The following SNTG2 variants were observed in gnomAD, a reference collection of about 807,000 sequenced individuals.
The protein encoded by SNTG2 is syntrophin gamma 2.
A neutral mutation model predicts 70.9 loss-of-function variants in SNTG2; 74 were observed. The observed-to-expected ratio is 1.04, with a 90% CI of 0.86 to 1.27. The LOEUF is 1.27. Among genes scored for constraint, SNTG2 ranks in the 50% most tolerant of loss-of-function variants. SNTG2 has a pLI of 0.00. For synonymous variants in SNTG2, 278 were observed against 273.8 expected (o/e 1.02, Z -0.15); for missense variants, 717 against 690.7 (o/e 1.04, Z -0.43).
intron 1 of SNTG2, among the ~76,000 whole-genome samples, chr2:1,046,552 T>C (rs989311159): frequency 2.6e-5 from 4 of 152,190 alleles, no homozygotes; most frequent in African/African-American, 7.2e-5. Context: ...GTAGGTCTGG[T>C]GGTAACAAAT....
chr2:1,044,309 G>C (rs1416143202), intron 1 of SNTG2, among the ~76,000 whole-genome samples: 2 of 152,160 alleles, frequency 1.3e-5, no homozygotes, highest in Non-Finnish European at 2.9e-5. Flanking sequence ...TTTGGGCAGA[G>C]ACAATGAGAT....
intron 4 of SNTG2, among the ~76,000 whole-genome samples, chr2:1,132,641 G>A (rs1048213894): frequency 2.0e-5 from 3 of 152,186 alleles, no homozygotes; most frequent in Admixed American, 6.5e-5. Flanking sequence ...GACTCTGAGC[G>A]GAGTTGCGGG....
chr2:1,046,051 G>C (rs552373343), intron 1 of SNTG2, among the ~76,000 whole-genome samples: 7 of 152,180 alleles, frequency 4.6e-5, no homozygotes, highest in African/African-American at 1.4e-4. Context: ...GGGTCCTTGA[G>C]TACTGGTTGC....
intron 9 of SNTG2, chr2:1,210,707 T>A (rs1673984264): frequency 6.6e-6 from 1 of 152,230 alleles, no homozygotes; most frequent in African/African-American, 2.4e-5. Flanking sequence ...GTGTGTCATT[T>A]TTTAACTTTT....
intron 9 of SNTG2, among the ~76,000 whole-genome samples, chr2:1,227,443 G>A (rs1210012762): frequency 3.9e-5 from 6 of 152,220 alleles, no homozygotes; most frequent in Non-Finnish European, 8.8e-5. Context: ...GTGGGTGTTC[G>A]CTCCGGAAGT....
chr2:1,294,838 A>T (rs9677285), intron 14 of SNTG2, among the ~76,000 whole-genome samples: 102,657 of 152,148 alleles, frequency 0.67, 35,080 homozygotes, highest in African/African-American at 0.79. Context: ...CTTTATAAAT[A>T]ACACAGTGTC....
chr2:1,092,087 A>T (rs1300648668), intron 2 of SNTG2, among the ~76,000 whole-genome samples: 1 of 152,228 alleles, frequency 6.6e-6, no homozygotes, highest in East Asian at 1.9e-4. Context: ...GCCCCCTCAC[A>T]TAGCCCCAGG....
At chr2:1,285,526 A>G (rs1679730486) in intron 14 of SNTG2, among the ~76,000 whole-genome samples, 2 of 152,254 alleles carry the variant, frequency 1.3e-5, no homozygotes, top group Admixed American at 1.3e-4. Context: ...CACAAAGTTA[A>G]CAATACTTAA....
chr2:1,240,634 G>C (rs1019555210), intron 11 of SNTG2, among the ~76,000 whole-genome samples: 33 of 152,284 alleles, frequency 2.2e-4, no homozygotes, highest in African/African-American at 6.7e-4. Context: ...ATAGTGCTTA[G>C]CAAGAATATT....
At chr2:1,080,493 T>G (rs962079881) in intron 1 of SNTG2, among the ~76,000 whole-genome samples, 2 of 152,210 alleles carry the variant, frequency 1.3e-5, no homozygotes, top group Non-Finnish European at 2.9e-5. Context: ...TGTGTATGTG[T>G]GTGCATGCAT....
chr2:1,044,768 A>G (rs116570013), intron 1 of SNTG2, among the ~76,000 whole-genome samples: 508 of 152,056 alleles, frequency 3.3e-3, no homozygotes, highest in African/African-American at 0.012. Context: ...TTACTTTTTT[A>G]ATGTGCTGCT....
chr2:986,812 C>T (rs1371986492), intron 1 of SNTG2, among the ~76,000 whole-genome samples: 1 of 152,132 alleles, frequency 6.6e-6, no homozygotes, highest in Non-Finnish European at 1.5e-5. Context: ...CTTGGCAATA[C>T]AGAAAAATAG....
At chr2:954,079 C>T (rs559968903) in intron 1 of SNTG2, among the ~76,000 whole-genome samples, 3 of 152,258 alleles carry the variant, frequency 2.0e-5, no homozygotes, top group South Asian at 2.1e-4. Flanking sequence ...TTCCTGTTAG[C>T]TCATGTAGCA....
At chr2:1,095,048 C>T (rs1053219770) in intron 2 of SNTG2, among the ~76,000 whole-genome samples, 6 of 101,202 alleles carry the variant, frequency 5.9e-5, no homozygotes, top group Admixed American at 1.5e-4. Context: ...GTAGAGACAG[C>T]GAGGTGGGGG....
intron 8 of SNTG2, among the ~76,000 whole-genome samples, chr2:1,199,749 C>G (rs1032571319): frequency 1.3e-5 from 2 of 151,848 alleles, no homozygotes; most frequent in Non-Finnish European, 1.5e-5. Flanking sequence ...AAAAATAAAT[C>G]AAGACACCAA....
intron 9 of SNTG2, among the ~76,000 whole-genome samples, chr2:1,226,633 G>A (rs1272327855): frequency 6.6e-6 from 1 of 151,430 alleles, no homozygotes; most frequent in Non-Finnish European, 1.5e-5. Context: ...GACACTCTTC[G>A]ACTGAACTGA....
intron 7 of SNTG2, among the ~76,000 whole-genome samples, chr2:1,172,521 C>A (rs929526462): frequency 6.6e-6 from 1 of 152,196 alleles, no homozygotes; most frequent in African/African-American, 2.4e-5. Flanking sequence ...TGCTCTATGT[C>A]CCCTGGGTAA....
intron 12 of SNTG2, among the ~76,000 whole-genome samples, chr2:1,257,578 G>C (rs542160735): frequency 6.6e-6 from 1 of 152,196 alleles, no homozygotes; most frequent in Non-Finnish European, 1.5e-5. Context: ...CCCCCTCCAA[G>C]CTTTGTCTTA....
At chr2:1,072,452 A>T (rs1572363864) in intron 1 of SNTG2, among the ~76,000 whole-genome samples, 2 of 150,140 alleles carry the variant, frequency 1.3e-5, no homozygotes. Flanking sequence ...AGACTGGATG[A>T]CAGCACATCT....
Sources: allele counts gnomAD v4.1 joint callset (sites outside exome capture counted in the v4.1 genomes callset), GRCh38; gene constraint gnomAD v4.1.1; transcripts MANE v1.5; gene names NCBI Gene and HGNC (gene_info 2026-07-23, HGNC 2026-07-21).